TAFA5: variants seen among roughly 807,000 people sequenced by gnomAD.
TAFA5 encodes TAFA chemokine like family member 5, also known as chemokine-like protein TAFA-5.
A neutral mutation model predicts 15.3 loss-of-function variants in TAFA5; 6 were observed. The observed-to-expected ratio is 0.39, with a 90% CI of 0.21 to 0.77. The LOEUF is 0.77. Ranked by LOEUF, TAFA5 falls within the 30% of genes least tolerant of loss-of-function variation. TAFA5 has a pLI of 0.41. For synonymous variants in TAFA5, 103 were observed against 80.7 expected (o/e 1.28, Z -1.48); for missense variants, 161 against 193.1 (o/e 0.83, Z 0.98).
At chr22:48,581,000 C>G (rs182869077) in intron 1 of TAFA5, among the ~76,000 whole-genome samples, 2 of 152,324 alleles carry the variant, frequency 1.3e-5, no homozygotes, top group Admixed American at 1.3e-4. Flanking sequence ...CCAGCAGACG[C>G]TGTTTGCAAG....
At chr22:48,749,453 G>A (rs1469651876) in intron 3 of TAFA5, among the ~76,000 whole-genome samples, 1 of 152,188 alleles carries the variant, frequency 6.6e-6, no homozygotes, top group East Asian at 1.9e-4. Context: ...GGCCTCAGAG[G>A]CCCAGGAAGC....
At chr22:48,695,972 C>A (rs888757453) in intron 2 of TAFA5, among the ~76,000 whole-genome samples, 2 of 152,160 alleles carry the variant, frequency 1.3e-5, no homozygotes, top group Non-Finnish European at 2.9e-5. Context: ...GGTCAGCACT[C>A]GAGAGCATAT....
chr22:48,718,265 C>T lies in TAFA5; in HGVS notation c.390+10421C>T, dbSNP rs1436072783. Among the ~76,000 whole-genome samples the T allele has an allele frequency of 2.0e-5, 3 of 152,158 alleles. No homozygotes were observed. The South Asian group carries it at 6.2e-4, about 32-fold the overall frequency. ...CCCCTGCACAGCAGACACTGGGCCC[C>T]GCTGTGGCCGTCATTAGTCAGCAAA... On this transcript the variant is annotated intron_variant, in intron 3 of 3. Transcript: ENST00000402357.
intron 3 of TAFA5, among the ~76,000 whole-genome samples, chr22:48,743,352 A>T (rs1458284972): frequency 1.3e-5 from 2 of 152,160 alleles, no homozygotes; most frequent in South Asian, 2.1e-4. Context: ...CTCTGTCTGC[A>T]TGGGGCCTGC....
At chr22:48,511,812 G>A (rs999478975) in intron 1 of TAFA5, among the ~76,000 whole-genome samples, 8 of 152,228 alleles carry the variant, frequency 5.3e-5, no homozygotes, top group South Asian at 4.1e-4. Context: ...GGAGAGCCAC[G>A]GGGCAACTGC....
rs1003224191 is a variant in TAFA5 at position 48,514,899 on chromosome 22, A to G, written c.112+25195A>G. On this transcript the variant is annotated intron_variant, in intron 1 of 3. Coordinates refer to ENST00000402357, the MANE Select transcript of TAFA5 (RefSeq NM_001082967.3). ...TTCCACAAATCATCTCTGATCTCCA[A>G]ACCATACAGGGTAAGCACTGCCATC... 2.0e-5 allele frequency among the ~76,000 whole-genome samples: 3 copies of G among 152,220 alleles called. No individual in the cohort carries two copies. The East Asian group carries it at 5.8e-4, about 29-fold the overall frequency.
chr22:48,560,155 G>A lies in TAFA5; in HGVS notation c.112+70451G>A, dbSNP rs1569025755. ...AAAGCCGAGTCCTTGTAGGGGAGGA[G>A]CGTCACTGCTCTCAGCAGGGGACCG... On this transcript the variant is annotated intron_variant, in intron 1 of 3. Coordinates refer to ENST00000402357, the MANE Select transcript of TAFA5 (RefSeq NM_001082967.3). This position sits in a 1 kb window ranked among gnomAD's most constrained non-coding sequence, Gnocchi z 4.2. Among the ~76,000 whole-genome samples the A allele has an allele frequency of 6.6e-6, 1 of 152,244 alleles. No individual in the cohort carries two copies. Among genetic ancestry groups the A allele is most frequent in the Non-Finnish European group, 1.5e-5 (1 of 68,042 alleles).
chr22:48,581,462 G>A (rs1440523159), intron 1 of TAFA5, among the ~76,000 whole-genome samples: 1 of 152,244 alleles, frequency 6.6e-6, no homozygotes, highest in African/African-American at 2.4e-5. Flanking sequence ...CGAGAAAGCC[G>A]TGCGGAGAAT....
chr22:48,598,088 T>A lies in TAFA5; in HGVS notation c.113-48509T>A, dbSNP rs1332524080. On this transcript the variant is annotated intron_variant, in intron 1 of 3. Coordinates refer to ENST00000402357, the MANE Select transcript of TAFA5 (RefSeq NM_001082967.3). The surrounding 1 kb of genome is among the most constrained non-coding windows in gnomAD (Gnocchi z 4.0). ...AGTTTCAGAGGCTGTCAGTATGACATCTGCAGGGAAGAGGGCAGGCTGGAG... is the reference window on the plus strand; with the variant it reads ...AGTTTCAGAGGCTGTCAGTATGACAACTGCAGGGAAGAGGGCAGGCTGGAG... 6.6e-6 allele frequency among the ~76,000 whole-genome samples: 1 copy of A among 152,146 alleles called. No homozygotes were observed. The highest frequency in any genetic ancestry group is 1.5e-5 in the Non-Finnish European group (1 of 68,016).
chr22:48,736,052 C>A (rs112171405), intron 3 of TAFA5, among the ~76,000 whole-genome samples: 5 of 55,112 alleles, frequency 9.1e-5, no homozygotes, highest in Admixed American at 6.1e-4. Context: ...TCCCTCCCCC[C>A]AGGAGGAATG....
rs541635808 is a variant in TAFA5 at position 48,739,671 on chromosome 22, G to T, written c.391-10168G>T. On this transcript the variant is annotated intron_variant, in intron 3 of 3. Transcript: ENST00000402357. ...AACTGATCTTCGAGCTCGCTGCTCAGGTTAACAATGACCAATAAAGGATGA... is the reference window on the plus strand; with the variant it reads ...AACTGATCTTCGAGCTCGCTGCTCATGTTAACAATGACCAATAAAGGATGA... Among the ~76,000 whole-genome samples the T allele has an allele frequency of 2.6e-5, 4 of 152,296 alleles. No individual in the cohort carries two copies. In the Middle Eastern group the frequency reaches 0.01, roughly 389 times the overall value.
rs904144044 is a variant in TAFA5, at chr22:48,685,794, C to T, written c.263-21923C>T. On this transcript the variant is annotated intron_variant, in intron 2 of 3. Coordinates refer to ENST00000402357, the MANE Select transcript of TAFA5 (RefSeq NM_001082967.3). ...GTTAGAAAACACCCCATTCAGAGTCCTTTGCATGTACACCTGTTGCCGGCT... is the reference window on the plus strand; with the variant it reads ...GTTAGAAAACACCCCATTCAGAGTCTTTTGCATGTACACCTGTTGCCGGCT... Among the ~76,000 whole-genome samples the T allele has an allele frequency of 3.3e-5, 5 of 152,188 alleles. No individual in the cohort carries two copies. The South Asian group carries it at 1.0e-3, about 31-fold the overall frequency.
chr22:48,564,049 C>A (rs1225009500), intron 1 of TAFA5, among the ~76,000 whole-genome samples: 1 of 152,262 alleles, frequency 6.6e-6, no homozygotes, highest in African/African-American at 2.4e-5. Context: ...AAGCCGAGGC[C>A]TGGCGTGCAC....
chr22:48,661,262 C>A (rs1468603430), intron 2 of TAFA5, among the ~76,000 whole-genome samples: 5 of 152,190 alleles, frequency 3.3e-5, no homozygotes, highest in Non-Finnish European at 7.3e-5. Context: ...TTCCCCATGC[C>A]CCACCCTCGG....
At chr22:48,557,690 G>C (rs945120298) in intron 1 of TAFA5, among the ~76,000 whole-genome samples, 2 of 152,218 alleles carry the variant, frequency 1.3e-5, no homozygotes, top group African/African-American at 2.4e-5. Flanking sequence ...ACTCGCAGGT[G>C]GGAGGGCACC....
At chr22:48,658,958 A>G (rs1927341432) in intron 2 of TAFA5, among the ~76,000 whole-genome samples, 1 of 152,216 alleles carries the variant, frequency 6.6e-6, no homozygotes, top group African/African-American at 2.4e-5. Flanking sequence ...GAGGTCGTGT[A>G]AGAGGAGGTG....
chr22:48,718,591 A>T (rs974708495), intron 3 of TAFA5, among the ~76,000 whole-genome samples: 2 of 151,918 alleles, frequency 1.3e-5, no homozygotes, highest in Non-Finnish European at 2.9e-5. Flanking sequence ...GTACCAGAGC[A>T]TCTCTGGTAC....
intron 1 of TAFA5, among the ~76,000 whole-genome samples, chr22:48,511,530 A>G (rs975010607): frequency 5.9e-5 from 9 of 152,182 alleles, no homozygotes; most frequent in African/African-American, 9.7e-5. Flanking sequence ...GCAGAAAGCC[A>G]TTTCTCAGTT....
chr22:48,637,325 TGTGCAC>T (rs1926486269), intron 1 of TAFA5, among the ~76,000 whole-genome samples: 1 of 152,118 alleles, frequency 6.6e-6, no homozygotes, highest in Non-Finnish European at 1.5e-5. Context: ...TGTGCACACA[TGTGCAC>T]ACATGTGCCC....
Sources: gnomAD v4.1 joint callset for allele counts (sites outside exome capture counted in the v4.1 genomes callset) on GRCh38, gnomAD v4.1.1 for gene constraint, Gnocchi (gnomAD v3.1) non-coding constraint, MANE v1.5 for transcripts, NCBI Gene and HGNC (gene_info 2026-07-23, HGNC 2026-07-21) for gene names.